The following SIM1 variants were observed in gnomAD, a reference collection of about 807,000 sequenced individuals.
The protein encoded by SIM1 is single-minded homolog 1.
In SIM1, 18 loss-of-function variants were observed where a neutral mutation model predicts 78.2. The ratio of observed to expected loss-of-function variants is 0.23; its 90% CI spans 0.16 to 0.34. SIM1 has a LOEUF of 0.34. Among genes scored for constraint, SIM1 ranks in the 10% least tolerant of loss-of-function variants. SIM1 has a pLI of 1.00. For missense variants in SIM1, 939 were observed against 975.1 expected, an observed-to-expected ratio of 0.96 and a Z score of 0.49; for synonymous variants, 417 against 385.2, an observed-to-expected ratio of 1.08 and a Z score of -0.97.
chr6:100,458,013 TCTCTCTCTC>T (rs1562064196), intron 2 of SIM1, among the ~76,000 whole-genome samples: 321 of 12,394 alleles, frequency 0.026, 2 homozygotes, highest in East Asian at 0.05. Context: ...TCTTTCTCTC[TCTCTCTCTC>T]TCTCTCTCTC....
intron 9 of SIM1, among the ~76,000 whole-genome samples, chr6:100,423,807 A>G (rs1339010962): frequency 2.0e-5 from 3 of 152,230 alleles, no homozygotes; most frequent in East Asian, 1.9e-4. Flanking sequence ...ACTGGACTCT[A>G]ACAGGAGGTA....
intron 2 of SIM1, among the ~76,000 whole-genome samples, chr6:100,456,683 CT>C (rs140839696): frequency 0.016 from 2,383 of 152,316 alleles, 30 homozygotes; most frequent in Middle Eastern, 0.034. Flanking sequence ...CCAGGCCCCC[CT>C]CTTCCCTTAA....
intron 9 of SIM1, among the ~76,000 whole-genome samples, chr6:100,431,928 G>A (rs1196877439): frequency 2.0e-5 from 3 of 152,174 alleles, no homozygotes; most frequent in Non-Finnish European, 4.4e-5. Context: ...AGGATTGCTT[G>A]AGGCCAGGAG....
At chr6:100,444,623 G>A (rs955045847) in intron 9 of SIM1, among the ~76,000 whole-genome samples, 1 of 152,084 alleles carries the variant, frequency 6.6e-6, no homozygotes, top group African/African-American at 2.4e-5. Context: ...TCAGTAAAAA[G>A]CATCAAGGCG....
intron 10 of SIM1, among the ~76,000 whole-genome samples, chr6:100,408,717 T>A (rs970049067): frequency 6.6e-6 from 1 of 152,158 alleles, no homozygotes; most frequent in East Asian, 1.9e-4. Context: ...ATAACATTTA[T>A]TGATTTGTGG....
At chr6:100,435,542 A>G (rs986960637) in intron 9 of SIM1, among the ~76,000 whole-genome samples, 3 of 152,152 alleles carry the variant, frequency 2.0e-5, no homozygotes, top group Non-Finnish European at 4.4e-5. Flanking sequence ...TAAGCATGCA[A>G]TGAACAAAAC....
intron 2 of SIM1, among the ~76,000 whole-genome samples, chr6:100,462,311 T>A (rs1162191027): frequency 6.6e-6 from 1 of 152,200 alleles, no homozygotes; most frequent in African/African-American, 2.4e-5. Flanking sequence ...CATTTCTGAA[T>A]CCCCTTCCCC....
rs143555424 is a variant in SIM1, at chr6:100,449,256, G to A, written c.543+107C>T. 95 of 871,072 alleles carry A rather than the reference G, an allele frequency of 1.1e-4. 1 individual carries two copies. Among genetic ancestry groups the A allele is most frequent in the Middle Eastern group, 1.0e-3 (3 of 3,006 alleles). The allele number at this position is 871,072 out of a possible 1,614,324, so 54.0% of individuals were successfully genotyped here. A position where few individuals can be genotyped will look rare whatever the true frequency, so the allele number is the denominator to read the frequency against. ...TGCGGCTCTTCGACGCAAGCTGGGG[G>A]TGCCCTTGCGGGTAGTCCCAGAGGT... On this transcript the variant is annotated intron_variant, in intron 6 of 11. Coordinates refer to ENST00000369208, the MANE Select transcript of SIM1 (RefSeq NM_005068.3).
At chr6:100,392,324 G>C (rs988912539) in intron 11 of SIM1, among the ~76,000 whole-genome samples, 2 of 152,190 alleles carry the variant, frequency 1.3e-5, no homozygotes, top group African/African-American at 4.8e-5. Flanking sequence ...TATAAAAAGA[G>C]AGAAGAGAAA....
chr6:100,446,803 G>C (rs140155626), intron 9 of SIM1, among the ~76,000 whole-genome samples: 2 of 152,280 alleles, frequency 1.3e-5, no homozygotes, highest in Admixed American at 6.5e-5. Flanking sequence ...TGTGGTTCAG[G>C]GGGGAAGCCA....
At position 100,435,066 on chromosome 6, in the gene SIM1, C is replaced by A. The variant is rs78257929; in HGVS notation, c.998+12202G>T. 4.4e-3 allele frequency among the ~76,000 whole-genome samples: 666 copies of A among 152,252 alleles called. 6 individuals carry two copies. The highest frequency in any genetic ancestry group is 0.015 in the African/African-American group (636 of 41,542). On this transcript the variant is annotated intron_variant, in intron 9 of 11. Transcript: ENST00000369208. ...GTTGATTGTTGTTTTGTGAAAACATCATGACTGTTGATGCTAAAATTAGTG... is the reference window on the plus strand; with the variant it reads ...GTTGATTGTTGTTTTGTGAAAACATAATGACTGTTGATGCTAAAATTAGTG...
At chr6:100,462,619 A>G (rs1033208653) in intron 2 of SIM1, 2 of 152,204 alleles carry the variant, frequency 1.3e-5, no homozygotes, top group African/African-American at 4.8e-5. Context: ...CGGGCTAGCC[A>G]TCTTAATTCA....
rs767842020 is a variant in SIM1, at chr6:100,447,291, G to T, written c.975C>A (p.Ile325=). 6.2e-7 allele frequency: 1 copy of T among 1,614,234 alleles called. No homozygotes were observed. The highest frequency in any genetic ancestry group is 1.1e-5 in the South Asian group (1 of 91,078). The change falls in exon 9 of 12, where the codon ATC becomes ATA. Residue 325 remains isoleucine, a synonymous_variant. Coordinates refer to ENST00000369208, the MANE Select transcript of SIM1 (RefSeq NM_005068.3). ...HNSRSSRPHC[I]VSVNYVLTDT... is the part of the protein sequence containing the mutation. ...ACGTGAGGACATAGTTGACGCTGAC[G>T]ATACAGTGTGGCCTGGAGGAGCGAC...
intron 11 of SIM1, 83 bp downstream of exon 11, chr6:100,393,404 G>A: frequency 1.7e-6 from 2 of 1,155,736 alleles, no homozygotes; most frequent in Non-Finnish European, 1.2e-6. Flanking sequence ...TAACTATTTG[G>A]TCATTCACTC....
Position 100,449,429 on chromosome 6 carries a change from G to T in SIM1, c.477C>A (p.Ser159=), listed in dbSNP as rs1292118032. 1.2e-6 allele frequency: 2 copies of T among 1,614,098 alleles called. No individual in the cohort carries two copies. Among genetic ancestry groups the T allele is most frequent in the Admixed American group, 3.3e-5 (2 of 60,022 alleles). ...HFVQEYEIER[S]FFLRMKCVLA... The stretch of plus-strand genomic sequence containing the variant: ...AGACGCACTTCATCCTCAGGAAGAA[G>T]GAGCGCTCGATCTCATACTCTGGGA... The change falls in exon 6 of 12, where the codon TCC becomes TCA. Residue 159 remains serine (S), a synonymous_variant. Transcript: ENST00000369208.
chr6:100,419,974 T>C (rs1318501916), intron 10 of SIM1, among the ~76,000 whole-genome samples: 1 of 152,042 alleles, frequency 6.6e-6, no homozygotes, highest in East Asian at 1.9e-4. Flanking sequence ...CAGGAAGCAT[T>C]TGCTGAGCTA....
intron 3 of SIM1, among the ~76,000 whole-genome samples, chr6:100,450,692 TCTCTCA>T (rs779504310): frequency 0.012 from 1,033 of 88,124 alleles, 2 homozygotes; most frequent in Non-Finnish European, 0.015. Context: ...TCTCTCTCTC[TCTCTCA>T]CACACACACA....
In SIM1 at chr6:100,390,810, C is replaced by T. The variant is rs767478269; in HGVS notation, c.1852G>A (p.Val618Ile). 6.2e-7 allele frequency: 1 copy of T among 1,614,180 alleles called. No homozygotes were observed. The highest frequency in any genetic ancestry group is 1.1e-5 in the South Asian group (1 of 91,084). Residue 618 changes from valine to isoleucine, a missense_variant, in exon 12 of 12, where the codon GTC becomes ATC. Physicochemically the swap from Val to Ile is conservative, Grantham distance 29 (BLOSUM62 3). Coordinates refer to ENST00000369208, the MANE Select transcript of SIM1 (RefSeq NM_005068.3). ...TTGGCAAGAGCAGAGCCATGGCAGA[C>T]TTCACCTGTTGGTGGGGGCTGTTGG... ...NYQQPPPTGEVCHGSALANTS... is the reference protein window; with the variant it reads ...NYQQPPPTGEICHGSALANTS...
intron 4 of SIM1, 42 bp downstream of exon 4, chr6:100,450,225 G>T (rs1772472824): frequency 6.4e-7 from 1 of 1,554,628 alleles, no homozygotes; most frequent in South Asian, 1.1e-5. Flanking sequence ...TCCAGCTCTG[G>T]CTGTAAACAC....
Sources: allele counts gnomAD v4.1 joint callset (sites outside exome capture counted in the v4.1 genomes callset), GRCh38; gene constraint gnomAD v4.1.1; transcripts MANE v1.5; gene names NCBI Gene and HGNC (gene_info 2026-07-23, HGNC 2026-07-21).